PSME3: variants seen among roughly 807,000 people sequenced by gnomAD.
PSME3 encodes the protein proteasome activator complex subunit 3.
In PSME3, 7 loss-of-function variants were observed where a neutral mutation model predicts 38.3. The ratio of observed to expected loss-of-function variants is 0.18; its 90% confidence interval spans 0.10 to 0.34. The LOEUF (loss-of-function observed/expected upper bound fraction) is 0.34, where lower values mean the gene tolerates loss of function less well. Ranked by LOEUF, PSME3 falls within the 10% of genes least tolerant of loss-of-function variation. The pLI, the probability that PSME3 is intolerant of heterozygous loss-of-function variation, is 1.00. For synonymous variants in PSME3, 108 were observed against 105.7 expected, an observed-to-expected ratio of 1.02 and a Z score of -0.13; for missense variants, 192 against 307.6, an observed-to-expected ratio of 0.62 and a Z score of 2.81.
chr17:42,838,358 A>G (rs1037200208), intron 6 of PSME3, among the ~76,000 whole-genome samples, 153 bp downstream of exon 6: 9 of 151,848 alleles, frequency 5.9e-5, no homozygotes, highest in Non-Finnish European at 1.2e-4. Context: ...CCCAGGTTGG[A>G]GTGCAGTGGC....
chr17:42,841,463 C>G, intron 10 of PSME3, 35 bp from the exon 11 acceptor site: 1 of 1,411,182 alleles, frequency 7.1e-7, no homozygotes, highest in Non-Finnish European at 9.9e-7. Flanking sequence ...AAGGGTTGTA[C>G]AGATATGTGA....
At chr17:42,835,680 G>A (rs2055453257) in intron 4 of PSME3, among the ~76,000 whole-genome samples, 1 of 151,496 alleles carries the variant, frequency 6.6e-6, no homozygotes, top group South Asian at 2.1e-4. Context: ...AGCTGAGATT[G>A]CGCCACTGTA....
chr17:42,837,852 G>C, intron 5 of PSME3, 155 bp downstream of exon 5: 4 of 960,962 alleles, frequency 4.2e-6, no homozygotes, highest in Non-Finnish European at 6.4e-6. Context: ...GCTTGTTATT[G>C]AGTGCTCTAA....
At position 42,842,625 on chromosome 17, in the gene PSME3, G is replaced by C. The variant is rs1488951763; in HGVS notation, c.*1047G>C. 6.5e-6 allele frequency: 1 copy of C among 152,728 alleles called. No homozygotes were observed. Among genetic ancestry groups the C allele is most frequent in the Non-Finnish European group, 1.5e-5 (1 of 68,048 alleles). The allele number at this position is 152,728 out of a possible 1,614,324, so 9.5% of individuals were successfully genotyped here. ...ACTATTTCTCTTTATTTATAGTGTCGGGCTTCCGGGGAAAGCAATCATTGG... is the reference window on the plus strand; with the variant it reads ...ACTATTTCTCTTTATTTATAGTGTCCGGCTTCCGGGGAAAGCAATCATTGG... On this transcript the variant is annotated 3_prime_UTR_variant, in exon 11 of 11. Coordinates refer to ENST00000590720, the MANE Select transcript of PSME3 (RefSeq NM_005789.4).
chr17:42,835,108 G>C (rs1031920580), intron 4 of PSME3, among the ~76,000 whole-genome samples: 3 of 151,236 alleles, frequency 2.0e-5, no homozygotes, highest in Admixed American at 2.0e-4. Context: ...CGGGAATGCT[G>C]CTCACTGCAG....
chr17:42,833,954 C>T (rs2055430557), intron 1 of PSME3: 5 of 1,439,476 alleles, frequency 3.5e-6, no homozygotes, highest in Non-Finnish European at 4.5e-6. Flanking sequence ...TCCCCCAGCC[C>T]AACAACGTCC....
intron 10 of PSME3, among the ~76,000 whole-genome samples, chr17:42,840,328 G>A (rs935149674): frequency 2.7e-4 from 40 of 150,898 alleles, no homozygotes; most frequent in Non-Finnish European, 4.3e-4. Context: ...TGAAGAGGCC[G>A]GGTGTGGTGG....
chr17:42,835,011 AC>A, intron 4 of PSME3, 135 bp downstream of exon 4: 1 of 1,203,444 alleles, frequency 8.3e-7, no homozygotes, highest in Non-Finnish European at 1.1e-6. Flanking sequence ...AGACATGATG[AC>A]TCTAGTATAG....
intron 4 of PSME3, among the ~76,000 whole-genome samples, chr17:42,836,100 G>A (rs62078453): frequency 4.4e-4 from 66 of 151,482 alleles, no homozygotes; most frequent in Non-Finnish European, 8.8e-4. Context: ...CGCCTCCCGG[G>A]TTCAAGTGAT....
chr17:42,840,623 A>T (rs2055520247), intron 10 of PSME3, among the ~76,000 whole-genome samples: 2 of 152,174 alleles, frequency 1.3e-5, no homozygotes, highest in African/African-American at 2.4e-5. Flanking sequence ...AAAGAAAACA[A>T]AACTGAAGAG....
intron 5 of PSME3, 134 bp from the exon 6 acceptor site, chr17:42,837,957 AAT>A (rs1442324238): frequency 3.1e-6 from 3 of 968,334 alleles, no homozygotes; most frequent in Non-Finnish European, 3.2e-6. Context: ...CGTTGATTCT[AAT>A]AGTGGTGTCA....
chr17:42,836,192 A>C (rs1490777104), intron 4 of PSME3, among the ~76,000 whole-genome samples: 1 of 151,636 alleles, frequency 6.6e-6, no homozygotes, highest in Non-Finnish European at 1.5e-5. Flanking sequence ...TTTAGTGGAG[A>C]CAGGGTTTCA....
At position 42,839,028 on chromosome 17, in the gene PSME3, C is replaced by T; in HGVS notation, c.542+16C>T. The stretch of plus-strand genomic sequence containing the variant: ...AGATTTCTAGGTAGGGCTGCTTGGG[C>T]TTGGCCGAGGCGTTGGGGGCTGATG... On this transcript the variant is annotated intron_variant, in intron 8 of 10. Coordinates refer to ENST00000590720, the MANE Select transcript of PSME3 (RefSeq NM_005789.4). The T allele has an allele frequency of 6.2e-7, 1 of 1,613,864 alleles. No homozygotes were observed. The highest frequency in any genetic ancestry group is 8.5e-7 in the Non-Finnish European group (1 of 1,179,758).
intron 4 of PSME3, among the ~76,000 whole-genome samples, chr17:42,835,949 C>T (rs548998332): frequency 4.6e-5 from 7 of 151,268 alleles, no homozygotes; most frequent in East Asian, 1.9e-4. Context: ...GTATTGTTGT[C>T]TGTAGTACTG....
chr17:42,833,556 C>T lies in PSME3; in HGVS notation c.-76C>T. 6.3e-7 allele frequency: 1 copy of T among 1,589,834 alleles called. No homozygotes were observed. The highest frequency in any genetic ancestry group is 8.6e-7 in the Non-Finnish European group (1 of 1,159,890). ...GGTCCCGAGGTCAGCCGAGATTTCT[C>T]AGGTCCCTCCGGCCCCCTCCCTGGA... On this transcript the variant is annotated 5_prime_UTR_variant, in exon 1 of 11. Transcript: ENST00000590720.
intron 10 of PSME3, among the ~76,000 whole-genome samples, chr17:42,841,252 TAACAAAATGACATCG>T (rs1398029337): frequency 6.6e-6 from 1 of 152,104 alleles, no homozygotes; most frequent in Non-Finnish European, 1.5e-5. Context: ...ATTAACATTG[TAACAAAATGACATCG>T]AACAAAATGA....
intron 5 of PSME3, 189 bp downstream of exon 5, chr17:42,837,886 GAT>G (rs2055482515): frequency 5.8e-6 from 5 of 866,382 alleles, no homozygotes; most frequent in Non-Finnish European, 7.2e-6. Flanking sequence ...ATAAACAGAG[GAT>G]TTAAGACTTT....
At chr17:42,839,212 G>A in intron 9 of PSME3, 46 bp downstream of exon 9, 1 of 1,561,572 alleles carries the variant, frequency 6.4e-7, no homozygotes, top group Non-Finnish European at 8.8e-7. Flanking sequence ...GCAGGATAGT[G>A]AAGAGTGACT....
chr17:42,840,431 C>T (rs1045348206), intron 10 of PSME3, among the ~76,000 whole-genome samples: 3 of 151,862 alleles, frequency 2.0e-5, no homozygotes, highest in African/African-American at 7.3e-5. Flanking sequence ...CATGGTGAAA[C>T]CCCATCTCTA....
Sources: allele counts gnomAD v4.1 joint callset (sites outside exome capture counted in the v4.1 genomes callset), GRCh38; gene constraint gnomAD v4.1.1; transcripts MANE v1.5; gene names NCBI Gene and HGNC (gene_info 2026-07-23, HGNC 2026-07-21).